The following BLM variants were observed in gnomAD, a reference collection of about 807,000 sequenced individuals.
BLM encodes the protein BLM RecQ like helicase, also known as recQ-like DNA helicase BLM.
BLM carries 95 observed loss-of-function variants against 135.3 expected under a neutral mutation model. The ratio of observed to expected loss-of-function variants is 0.70; its 90% CI spans 0.59 to 0.83. BLM has a LOEUF of 0.83. BLM is among the 40% of genes least tolerant of loss of function. The pLI, the probability that BLM is intolerant of heterozygous loss-of-function variation, is 0.00. For missense variants in BLM, 1,518 were observed against 1,663.9 expected (o/e 0.91, Z 1.53); for synonymous variants, 520 against 589.2 (o/e 0.88, Z 1.70).
intron 12 of BLM, among the ~76,000 whole-genome samples, chr15:90,771,666 C>A (rs1896321796): frequency 6.8e-6 from 1 of 146,948 alleles, no homozygotes; most frequent in Non-Finnish European, 1.5e-5. Context: ...GTCTCGAACT[C>A]CTGGGCTTAA....
Position 90,736,769 on chromosome 15 carries a change from G to A in BLM, c.-4-10620G>A, listed in dbSNP as rs556158903. Among the ~76,000 whole-genome samples, 11 of 152,246 alleles carry A rather than the reference G, an allele frequency of 7.2e-5. No individual in the cohort carries two copies. In the South Asian group the frequency reaches 2.1e-3, roughly 29 times the overall value. On this transcript the variant is annotated intron_variant, in intron 1 of 21. Coordinates refer to ENST00000355112, the MANE Select transcript of BLM (RefSeq NM_000057.4). ...GTGATTTCTAACATGAATGGAAAGCGTACATACAGTGTGCTATTTTTTATG... is the reference window on the plus strand; with the variant it reads ...GTGATTTCTAACATGAATGGAAAGCATACATACAGTGTGCTATTTTTTATG...
intron 12 of BLM, among the ~76,000 whole-genome samples, chr15:90,775,902 G>C (rs1031011588): frequency 2.0e-5 from 3 of 151,954 alleles, no homozygotes; most frequent in Non-Finnish European, 4.4e-5. Flanking sequence ...TATATTGTTC[G>C]GGTTAGTCTG....
chr15:90,744,743 A>G (rs1895455717), intron 1 of BLM, among the ~76,000 whole-genome samples: 2 of 151,894 alleles, frequency 1.3e-5, no homozygotes, highest in Non-Finnish European at 2.9e-5. Flanking sequence ...GTCTTAAAAT[A>G]TTCTCCATTA....
At chr15:90,724,690 T>TA (rs1449745888) in intron 1 of BLM, among the ~76,000 whole-genome samples, 1 of 152,102 alleles carries the variant, frequency 6.6e-6, no homozygotes, top group Non-Finnish European at 1.5e-5. Flanking sequence ...CTGGAAGAAA[T>TA]ACACAGGACA....
At chr15:90,728,394 T>G (rs1470058469) in intron 1 of BLM, among the ~76,000 whole-genome samples, 3 of 151,988 alleles carry the variant, frequency 2.0e-5, no homozygotes, top group African/African-American at 7.2e-5. Flanking sequence ...AGGTATATAT[T>G]ATTTTCTTTA....
At position 90,769,567 on chromosome 15, in the gene BLM, A is replaced by C; in HGVS notation, c.2536A>C (p.Lys846Gln). ...ACAGAAGGACATCCTGACTCAGCTG[A>C]AGATTCTCAGACCTCAGGTGTAAGT... ...RVQKDILTQLKILRPQVFSMS... is the reference protein window; with the variant it reads ...RVQKDILTQLQILRPQVFSMS... The change falls in exon 12 of 22, where the codon AAG (lysine) becomes CAG (glutamine). Residue 846 changes from lysine to glutamine, a missense_variant. By Grantham distance (53) the Lys-to-Gln change is moderately conservative. This residue lies in a region of BLM where 626 missense variants were observed against 681.1 expected (regional missense o/e 0.92). Coordinates refer to ENST00000355112, the MANE Select transcript of BLM (RefSeq NM_000057.4). 1 of 1,614,004 alleles carries C rather than the reference A, an allele frequency of 6.2e-7. No homozygotes were observed.
intron 1 of BLM, among the ~76,000 whole-genome samples, chr15:90,735,156 C>T (rs1211244315): frequency 2.0e-5 from 3 of 148,638 alleles, no homozygotes; most frequent in Non-Finnish European, 3.0e-5. Context: ...TAAAACACTT[C>T]TGAATAACAA....
rs187396154 is a variant in BLM, at chr15:90,764,803, C to T, written c.2075-493C>T. 4.1e-3 allele frequency among the ~76,000 whole-genome samples: 617 copies of T among 152,134 alleles called. 2 individuals carry two copies. Among genetic ancestry groups the T allele is most frequent in the African/African-American group, 0.014 (590 of 41,506 alleles). On this transcript the variant is annotated intron_variant, in intron 8 of 21. Transcript: ENST00000355112. ...TATGTCTATATAAGATGTCCTAGGC[C>T]GGGCGCAGTGGCTTGTGCCTATAAT...
chr15:90,755,014 T>TACG, intron 5 of BLM, 76 bp downstream of exon 5: 1 of 1,554,958 alleles, frequency 6.4e-7, no homozygotes, highest in Non-Finnish European at 8.8e-7. Flanking sequence ...AAGATTGTGT[T>TACG]TTGAACCTGT....
intron 12 of BLM, among the ~76,000 whole-genome samples, chr15:90,772,012 A>G (rs532314842): frequency 6.6e-6 from 1 of 152,334 alleles, no homozygotes; most frequent in African/African-American, 2.4e-5. Flanking sequence ...GTAATAATCA[A>G]TAAATGAAAA....
At chr15:90,768,344 C>T (rs1485758449) in intron 10 of BLM, among the ~76,000 whole-genome samples, 3 of 152,146 alleles carry the variant, frequency 2.0e-5, no homozygotes, top group Non-Finnish European at 4.4e-5. Flanking sequence ...CTACATGTGA[C>T]CAGTGAGACA....
At chr15:90,753,681 A>G (rs1301850446) in intron 4 of BLM, among the ~76,000 whole-genome samples, 1 of 152,250 alleles carries the variant, frequency 6.6e-6, no homozygotes, top group African/African-American at 2.4e-5. Context: ...TTTCAGTTTT[A>G]AAAAATACTG....
At chr15:90,797,563 T>C (rs1253842378) in intron 16 of BLM, among the ~76,000 whole-genome samples, 2 of 152,050 alleles carry the variant, frequency 1.3e-5, no homozygotes, top group African/African-American at 4.8e-5. Context: ...GTTATTGGTG[T>C]GTGCAAATGA....
intron 1 of BLM, among the ~76,000 whole-genome samples, chr15:90,746,720 G>A (rs1895510820): frequency 6.6e-6 from 1 of 152,140 alleles, no homozygotes; most frequent in African/African-American, 2.4e-5. Flanking sequence ...AACTATGCAT[G>A]GATTACAGCT....
At chr15:90,788,328 C>G (rs1272307744) in intron 14 of BLM, among the ~76,000 whole-genome samples, 1 of 152,152 alleles carries the variant, frequency 6.6e-6, no homozygotes, top group African/African-American at 2.4e-5. Context: ...ACCCAGCTCA[C>G]TGTCATTTAT....
intron 10 of BLM, among the ~76,000 whole-genome samples, chr15:90,768,509 A>T (rs1430930231): frequency 2.0e-5 from 3 of 152,212 alleles, no homozygotes; most frequent in Non-Finnish European, 4.4e-5. Flanking sequence ...ACACGCATCC[A>T]TATAACCCAG....
intron 12 of BLM, 112 bp downstream of exon 12, chr15:90,769,698 C>T (rs1896251462): frequency 7.7e-7 from 1 of 1,293,652 alleles, no homozygotes; most frequent in African/African-American, 1.5e-5. Context: ...CCCCACCCCA[C>T]CCCCATGCCC....
At chr15:90,735,668 G>A (rs1895195363) in intron 1 of BLM, among the ~76,000 whole-genome samples, 1 of 152,040 alleles carries the variant, frequency 6.6e-6, no homozygotes, top group African/African-American at 2.4e-5. Flanking sequence ...TCAGACACAG[G>A]AATAAACTCC....
chr15:90,736,499 C>A (rs1895221010), intron 1 of BLM, among the ~76,000 whole-genome samples: 1 of 152,160 alleles, frequency 6.6e-6, no homozygotes, highest in Non-Finnish European at 1.5e-5. Flanking sequence ...TGGACTCAAG[C>A]AATCCTGTCT....
Sources: gnomAD v4.1 joint callset for allele counts (sites outside exome capture counted in the v4.1 genomes callset) on GRCh38, gnomAD v4.1.1 for gene constraint, gnomAD v4.1.1 regional missense constraint, MANE v1.5 for transcripts, NCBI Gene and HGNC (gene_info 2026-07-23, HGNC 2026-07-21) for gene names.